UBR3: variants seen among roughly 807,000 people sequenced by gnomAD.
The protein encoded by UBR3 is E3 ubiquitin-protein ligase UBR3.
A neutral mutation model predicts 243.2 loss-of-function variants in UBR3; 85 were observed. That is an observed-to-expected ratio of 0.35 (90% CI 0.29 to 0.42). The LOEUF (loss-of-function observed/expected upper bound fraction) is 0.42, where lower values mean the gene tolerates loss of function less well. Ranked by LOEUF, UBR3 falls within the 10% of genes least tolerant of loss-of-function variation. The pLI is 1.00. For missense variants in UBR3, 1,686 were observed against 2,300.8 expected, an observed-to-expected ratio of 0.73 and a Z score of 5.47; for synonymous variants, 748 against 799.8, an observed-to-expected ratio of 0.94 and a Z score of 1.09.
intron 5 of UBR3, among the ~76,000 whole-genome samples, chr2:169,886,026 A>G (rs914741913): frequency 2.6e-5 from 4 of 151,984 alleles, no homozygotes; most frequent in Admixed American, 2.6e-4. Context: ...GCATGATGGC[A>G]CGCGTTTGTA....
chr2:169,962,285 A>G (rs904450105), intron 24 of UBR3, among the ~76,000 whole-genome samples: 145 of 151,808 alleles, frequency 9.6e-4, no homozygotes, highest in African/African-American at 3.1e-3. Flanking sequence ...TACTTTCTGT[A>G]TTGCTCAGGT....
chr2:169,880,647 T>C (rs2083786852), intron 5 of UBR3, among the ~76,000 whole-genome samples: 1 of 152,314 alleles, frequency 6.6e-6, no homozygotes, highest in South Asian at 2.1e-4. Flanking sequence ...GAGGGGCTTT[T>C]GAATCTCTTC....
At position 169,928,783 on chromosome 2, in the gene UBR3, A is replaced by G; in HGVS notation, c.2481A>G (p.Glu827=). 6.6e-7 allele frequency: 1 copy of G among 1,514,132 alleles called. No homozygotes were observed. The highest frequency in any genetic ancestry group is 2.5e-5 in the East Asian group (1 of 40,510). The allele number at this position is 1,514,132 out of a possible 1,614,324, so 93.8% of individuals were successfully genotyped here. A position where few individuals can be genotyped will look rare whatever the true frequency, so the allele number is the denominator to read the frequency against. ...TTATTCCAGGCAGTTACAGCTTTGA[A>G]TCAGTTTTATCAGCTGTAGCTGATT... ...SGIIPGSYSF[E]SVLSAVADFK... is the part of the protein sequence containing the mutation. The change falls in exon 18 of 39, where the codon GAA becomes GAG. Residue 827 remains glutamate, a synonymous_variant. Transcript: ENST00000272793.
intron 32 of UBR3, among the ~76,000 whole-genome samples, chr2:170,042,160 C>G (rs1423140393): frequency 1.3e-5 from 2 of 152,126 alleles, no homozygotes; most frequent in African/African-American, 4.8e-5. Context: ...AACCACTAAT[C>G]TGATTTCCTG....
chr2:169,883,095 C>T (rs2083955028), intron 5 of UBR3, among the ~76,000 whole-genome samples: 2 of 152,254 alleles, frequency 1.3e-5, no homozygotes, highest in South Asian at 2.1e-4. Context: ...TTATTTTGCT[C>T]ACAATTTTAT....
intron 2 of UBR3, among the ~76,000 whole-genome samples, chr2:169,873,492 G>A (rs537351174): frequency 1.3e-5 from 2 of 152,184 alleles, no homozygotes; most frequent in East Asian, 3.9e-4. Context: ...ACAACATAGA[G>A]ACTCTGTCTT....
At chr2:170,054,534 A>T (rs1322604027) in intron 32 of UBR3, among the ~76,000 whole-genome samples, 4 of 151,900 alleles carry the variant, frequency 2.6e-5, no homozygotes, top group Admixed American at 2.0e-4. Context: ...CGCCCACCTC[A>T]GCCTCCCAAA....
intron 24 of UBR3, among the ~76,000 whole-genome samples, chr2:169,969,548 CTTT>C (rs199918460): frequency 3.7e-5 from 5 of 134,184 alleles, no homozygotes; most frequent in East Asian, 2.1e-4. Context: ...CCATTTGTGT[CTTT>C]TTTTTTTTTT....
intron 38 of UBR3, among the ~76,000 whole-genome samples, chr2:170,081,260 AG>A: frequency 1.3e-5 from 2 of 152,304 alleles, no homozygotes; most frequent in Admixed American, 1.3e-4. Context: ...GCACTTTGGG[AG>A]GCCGAGGTGG....
intron 22 of UBR3, 75 bp downstream of exon 22, chr2:169,947,790 A>G (rs967190726): frequency 7.9e-7 from 1 of 1,260,410 alleles, no homozygotes; most frequent in Non-Finnish European, 1.0e-6. Flanking sequence ...TACTGTTCCT[A>G]TAATATCCAA....
At chr2:170,063,440 TAG>T (rs1301474992) in intron 35 of UBR3, among the ~76,000 whole-genome samples, 2 of 150,864 alleles carry the variant, frequency 1.3e-5, no homozygotes, top group African/African-American at 4.9e-5. Context: ...TCCTTTTATT[TAG>T]TTTCTGTCAT....
chr2:170,011,977 A>G (rs2090097750), intron 29 of UBR3, among the ~76,000 whole-genome samples: 1 of 152,116 alleles, frequency 6.6e-6, no homozygotes, highest in South Asian at 2.1e-4. Flanking sequence ...CAAGTTTCAT[A>G]TAGTCTAGAG....
intron 25 of UBR3, among the ~76,000 whole-genome samples, chr2:169,987,407 A>C (rs1015940621): frequency 6.7e-6 from 1 of 150,364 alleles, no homozygotes; most frequent in African/African-American, 2.4e-5. Context: ...AAAAAAAAAA[A>C]ACAAAAAAAA....
intron 25 of UBR3, 131 bp downstream of exon 25, chr2:169,986,925 C>A: frequency 1.1e-6 from 1 of 913,090 alleles, no homozygotes; most frequent in Non-Finnish European, 1.6e-6. Context: ...AGTTTAGATC[C>A]AAATAACAAA....
intron 29 of UBR3, among the ~76,000 whole-genome samples, chr2:170,011,851 G>A (rs1242181250): frequency 6.6e-6 from 1 of 151,918 alleles, no homozygotes; most frequent in Non-Finnish European, 1.5e-5. Context: ...TACAGATAAT[G>A]GAAACCAAAT....
Position 170,061,069 on chromosome 2 carries a change from A to AT in UBR3, c.4786-4dup, listed in dbSNP as rs1187702204. 3 of 1,517,034 alleles carry AT rather than the reference A, an allele frequency of 2.0e-6. No homozygotes were observed. The highest frequency in any genetic ancestry group is 2.6e-6 in the Non-Finnish European group (3 of 1,136,382). The allele number at this position is 1,517,034 out of a possible 1,614,324, so 94.0% of individuals were successfully genotyped here. On this transcript the variant is annotated splice_polypyrimidine_tract_variant and intron_variant, in intron 33 of 38. Transcript: ENST00000272793. ...AGTGACCAGTGTAACCAATATTTTA[A>AT]TTTTTTCAGAGTACATGTGATGCAG... is the stretch of plus-strand genomic sequence containing the variant.
intron 23 of UBR3, among the ~76,000 whole-genome samples, chr2:169,950,290 C>A (rs944375364): frequency 2.0e-5 from 3 of 152,036 alleles, no homozygotes; most frequent in Non-Finnish European, 4.4e-5. Flanking sequence ...AAATTACTAC[C>A]TTAAACCTGT....
At chr2:170,032,909 C>T (rs2090718024) in intron 31 of UBR3, among the ~76,000 whole-genome samples, 1 of 151,892 alleles carries the variant, frequency 6.6e-6, no homozygotes, top group Non-Finnish European at 1.5e-5. Flanking sequence ...ATGTATCTTG[C>T]TACTCTTCAT....
At chr2:169,972,014 A>G (rs201801495) in intron 24 of UBR3, among the ~76,000 whole-genome samples, 14,752 of 152,094 alleles carry the variant, frequency 0.097, 848 homozygotes, top group African/African-American at 0.16. Flanking sequence ...TTGATAGACC[A>G]CTAGCAAGAC....
Sources: allele counts gnomAD v4.1 joint callset (sites outside exome capture counted in the v4.1 genomes callset), GRCh38; gene constraint gnomAD v4.1.1; transcripts MANE v1.5; gene names NCBI Gene and HGNC (gene_info 2026-07-23, HGNC 2026-07-21).